The following WIF1 variants were observed in gnomAD, a reference collection of about 807,000 sequenced individuals.
WIF1 encodes the protein Wnt inhibitory factor 1.
A neutral mutation model predicts 53.5 loss-of-function variants in WIF1; 35 were observed. That is an observed-to-expected ratio of 0.65 (90% CI 0.50 to 0.87). The LOEUF is 0.87. Ranked by LOEUF, WIF1 falls within the 40% of genes least tolerant of loss-of-function variation. The probability of loss-of-function intolerance (pLI) is 0.00; values close to 1 mark genes in which losing one functional copy is unlikely to be tolerated. For synonymous variants in WIF1, 171 were observed against 170.4 expected, an observed-to-expected ratio of 1.00 and a Z score of -0.03; for missense variants, 467 against 476.8, an observed-to-expected ratio of 0.98 and a Z score of 0.19.
intron 9 of WIF1, among the ~76,000 whole-genome samples, chr12:65,051,679 C>T (rs1269620619): frequency 6.6e-6 from 1 of 152,198 alleles, no homozygotes; most frequent in East Asian, 1.9e-4. Context: ...CATTGGATTT[C>T]TCATTCCCTA....
At chr12:65,115,306 C>T (rs73312860) in intron 2 of WIF1, among the ~76,000 whole-genome samples, 4 of 151,776 alleles carry the variant, frequency 2.6e-5, no homozygotes, top group Admixed American at 6.6e-5. Context: ...ATCTATGTGA[C>T]CTTTGTAAGT....
intron 9 of WIF1, among the ~76,000 whole-genome samples, chr12:65,052,615 C>G (rs992438364): frequency 6.6e-5 from 10 of 152,200 alleles, no homozygotes; most frequent in Admixed American, 6.5e-4. Context: ...AAACCCCCTT[C>G]TTTCAGCTCA....
intron 8 of WIF1, among the ~76,000 whole-genome samples, chr12:65,055,668 G>A (rs927636933): frequency 6.6e-5 from 10 of 152,160 alleles, no homozygotes; most frequent in Admixed American, 5.9e-4. Flanking sequence ...CCAGCTACTC[G>A]GGAGGCCGAG....
At chr12:65,057,208 A>T (rs1323806675) in intron 7 of WIF1, among the ~76,000 whole-genome samples, 1 of 152,170 alleles carries the variant, frequency 6.6e-6, no homozygotes, top group Admixed American at 6.5e-5. Context: ...GCTGGTGTGC[A>T]AGGCTGGCCA....
intron 2 of WIF1, among the ~76,000 whole-genome samples, chr12:65,097,734 C>A (rs189067966): frequency 5.9e-5 from 9 of 152,276 alleles, no homozygotes; most frequent in African/African-American, 1.4e-4. Flanking sequence ...TATCTCCTGA[C>A]CAGAGAGTGA....
Position 65,067,742 on chromosome 12 carries a change from C to G in WIF1, c.587G>C (p.Arg196Pro). 1 of 1,613,378 alleles carries G rather than the reference C, an allele frequency of 6.2e-7. No homozygotes were observed. Among genetic ancestry groups the G allele is most frequent in the South Asian group, 1.1e-5 (1 of 91,074 alleles). ...GAACCCATCAGGACACTCGCAGATG[C>G]GTCTTTCATTACAAAAGCCTCCATT... is the stretch of plus-strand genomic sequence containing the variant. ...CRNGGFCNER[R>P]ICECPDGFHG... The change falls in exon 5 of 10, where the codon CGC (arginine) becomes CCC (proline). Residue 196 changes from arginine to proline, a missense_variant. Transcript: ENST00000286574.
intron 9 of WIF1, 117 bp from the exon 10 acceptor site, chr12:65,051,587 G>T (rs139453089): frequency 6.3e-6 from 8 of 1,266,776 alleles, no homozygotes; most frequent in East Asian, 2.8e-5. Flanking sequence ...ATGAAAAACC[G>T]CAATGACCAC....
chr12:65,114,847 C>T (rs747388783), intron 2 of WIF1, among the ~76,000 whole-genome samples: 3 of 152,096 alleles, frequency 2.0e-5, no homozygotes, highest in African/African-American at 4.8e-5. Context: ...AGCAACACTT[C>T]GGTTTTGTTT....
At chr12:65,091,341 A>G (rs1419552383) in intron 2 of WIF1, among the ~76,000 whole-genome samples, 3 of 148,128 alleles carry the variant, frequency 2.0e-5, no homozygotes, top group Non-Finnish European at 4.5e-5. Flanking sequence ...TATATTCCAT[A>G]TATAATATAT....
chr12:65,087,825 C>T (rs917979556), intron 2 of WIF1, among the ~76,000 whole-genome samples: 1 of 151,054 alleles, frequency 6.6e-6, no homozygotes, highest in African/African-American at 2.4e-5. Flanking sequence ...AAGAGTCAAA[C>T]AGGAAAAAAA....
intron 5 of WIF1, among the ~76,000 whole-genome samples, chr12:65,067,244 C>A (rs1159022829): frequency 6.6e-6 from 1 of 152,032 alleles, no homozygotes; most frequent in Non-Finnish European, 1.5e-5. Context: ...GATTAATATT[C>A]ATTTCCTTGC....
rs367691744 is a variant in WIF1, at chr12:65,121,052, A to T, written c.140T>A (p.Val47Glu). 14 of 1,511,588 alleles carry T rather than the reference A, an allele frequency of 9.3e-6. No individual in the cohort carries two copies. In the African/African-American group the frequency reaches 2.0e-4, roughly 21 times the overall value. 93.6% of individuals were successfully genotyped at this position (1,511,588 alleles called of 1,614,324 possible). The change falls in exon 1 of 10, where the codon GTA (valine) becomes GAA (glutamate). Residue 47 changes from valine (V) to glutamate (E), a missense_variant. Transcript: ENST00000286574. ...GGAGGCGGGGGCCTTACCTATGAGTACTCTTGCCTGGTGAGCATCGATCCA... is the reference window on the plus strand; with the variant it reads ...GGAGGCGGGGGCCTTACCTATGAGTTCTCTTGCCTGGTGAGCATCGATCCA... ...YLWIDAHQARVLIGFEEDILI... is the reference protein window; with the variant it reads ...YLWIDAHQARELIGFEEDILI...
intron 7 of WIF1, among the ~76,000 whole-genome samples, chr12:65,061,263 G>T (rs1223791836): frequency 6.6e-6 from 1 of 152,130 alleles, no homozygotes; most frequent in Non-Finnish European, 1.5e-5. Flanking sequence ...GAGGTTGAAA[G>T]TTCAAACAGG....
intron 2 of WIF1, among the ~76,000 whole-genome samples, chr12:65,098,544 A>G (rs1253100373): frequency 6.6e-6 from 1 of 152,076 alleles, no homozygotes; most frequent in Non-Finnish European, 1.5e-5. Context: ...TTCAATACCT[A>G]CTATGTCCTG....
intron 2 of WIF1, among the ~76,000 whole-genome samples, chr12:65,114,429 G>GTACT (rs1417927903): frequency 6.6e-6 from 1 of 152,078 alleles, no homozygotes; most frequent in African/African-American, 2.4e-5. Flanking sequence ...TTTTCCAGTG[G>GTACT]TACTTTTCTC....
At position 65,062,530 on chromosome 12, in the gene WIF1, A is replaced by C; in HGVS notation, c.777T>G (p.Pro259=). Reference sequence around the variant, plus strand: ...GTCCTGGAGGGCAAATACATTTTCCAGGGTAGAAACAGGTCCCTCCATTAA... The same window carrying C: ...GTCCTGGAGGGCAAATACATTTTCCCGGGTAGAAACAGGTCCCTCCATTAA... ...TCFNGGTCFY[P]GKCICPPGLE... The change falls in exon 7 of 10, where the codon CCT becomes CCG. Residue 259 remains proline, a synonymous_variant. Coordinates refer to ENST00000286574, the MANE Select transcript of WIF1 (RefSeq NM_007191.5). The C allele has an allele frequency of 6.2e-7, 1 of 1,608,882 alleles. No homozygotes were observed. The highest frequency in any genetic ancestry group is 8.5e-7 in the Non-Finnish European group (1 of 1,177,224).
chr12:65,065,771 G>T (rs536635148), intron 6 of WIF1, among the ~76,000 whole-genome samples: 120 of 152,222 alleles, frequency 7.9e-4, no homozygotes, highest in African/African-American at 2.7e-3. Context: ...AAATTTCACA[G>T]CATAGTCTTT....
At chr12:65,092,196 AACACC>A (rs1883132345) in intron 2 of WIF1, among the ~76,000 whole-genome samples, 1 of 151,966 alleles carries the variant, frequency 6.6e-6, no homozygotes, top group East Asian at 1.9e-4. Flanking sequence ...CAGGAAACCA[AACACC>A]ACATGTTCTC....
intron 6 of WIF1, 116 bp from the exon 7 acceptor site, chr12:65,062,692 G>A (rs566874694): frequency 1.1e-6 from 1 of 898,748 alleles, no homozygotes; most frequent in East Asian, 2.7e-5. Context: ...CCCATTTCCT[G>A]ACTTAATAAA....
Sources: gnomAD v4.1 joint callset for allele counts (sites outside exome capture counted in the v4.1 genomes callset) on GRCh38, gnomAD v4.1.1 for gene constraint, MANE v1.5 for transcripts, NCBI Gene and HGNC (gene_info 2026-07-23, HGNC 2026-07-21) for gene names.